The following NRXN1 variants were observed in gnomAD, a reference collection of about 807,000 sequenced individuals.
NRXN1 encodes neurexin-1.
NRXN1 carries 39 observed loss-of-function variants against 150.9 expected under a neutral mutation model. The observed-to-expected ratio is 0.26, with a 90% CI of 0.20 to 0.34. NRXN1 has a LOEUF of 0.34. Ranked by LOEUF, NRXN1 falls within the 10% of genes least tolerant of loss-of-function variation. The probability of loss-of-function intolerance (pLI) is 1.00; values close to 1 mark genes in which losing one functional copy is unlikely to be tolerated. For missense variants in NRXN1, 1,815 were observed against 1,949.9 expected (o/e 0.93, Z 1.30); for synonymous variants, 924 against 757.0 (o/e 1.22, Z -3.62).
chr2:50,358,579 A>T (rs2078980688), intron 17 of NRXN1, among the ~76,000 whole-genome samples: 1 of 152,234 alleles, frequency 6.6e-6, no homozygotes, highest in African/African-American at 2.4e-5. Flanking sequence ...CAGCAGCCCC[A>T]GTCAGGAACT....
intron 19 of NRXN1, among the ~76,000 whole-genome samples, chr2:50,062,249 G>A (rs1159886680): frequency 6.6e-6 from 1 of 151,970 alleles, no homozygotes; most frequent in Non-Finnish European, 1.5e-5. Context: ...AAGCCTTTGG[G>A]AGCTGATTAG....
At chr2:50,085,480 A>G (rs1326799266) in intron 19 of NRXN1, among the ~76,000 whole-genome samples, 2 of 152,142 alleles carry the variant, frequency 1.3e-5, no homozygotes, top group Admixed American at 6.5e-5. Flanking sequence ...AACATGGGCA[A>G]GTCTTCTTTT....
chr2:50,627,036 G>C (rs1188482182), intron 5 of NRXN1, among the ~76,000 whole-genome samples: 2 of 151,722 alleles, frequency 1.3e-5, no homozygotes, highest in African/African-American at 4.8e-5. Context: ...ACTACATTCA[G>C]ATACCATTTC....
chr2:50,726,425 C>A (rs1380449808), intron 5 of NRXN1, among the ~76,000 whole-genome samples: 1 of 152,150 alleles, frequency 6.6e-6, no homozygotes, highest in South Asian at 2.1e-4. Flanking sequence ...GCACACATAC[C>A]TTATCATAAG....
intron 17 of NRXN1, among the ~76,000 whole-genome samples, chr2:50,394,310 TC>T (rs1264378952): frequency 6.6e-6 from 1 of 152,074 alleles, no homozygotes; most frequent in Non-Finnish European, 1.5e-5. Flanking sequence ...ACTAGGTATA[TC>T]AAAACCAAAG....
At chr2:50,257,804 T>G (rs1178203422) in intron 17 of NRXN1, among the ~76,000 whole-genome samples, 1 of 151,826 alleles carries the variant, frequency 6.6e-6, no homozygotes, top group Non-Finnish European at 1.5e-5. Flanking sequence ...CAAAAACAAA[T>G]CTAGTAGCTA....
At chr2:50,107,539 A>ATATATTTT (rs59921941) in intron 18 of NRXN1, among the ~76,000 whole-genome samples, 61 of 129,876 alleles carry the variant, frequency 4.7e-4, no homozygotes, top group South Asian at 1.8e-3. Flanking sequence ...ATATATATAT[A>ATATATTTT]TTTTTTTTTT....
chr2:51,020,673 T>C (rs1440227875), intron 2 of NRXN1, among the ~76,000 whole-genome samples: 2 of 151,992 alleles, frequency 1.3e-5, no homozygotes, highest in African/African-American at 4.8e-5. Context: ...ATATTAGTAG[T>C]CTGATTAGGT....
chr2:50,259,160 T>C (rs1177553760), intron 17 of NRXN1, among the ~76,000 whole-genome samples: 1 of 151,972 alleles, frequency 6.6e-6, no homozygotes, highest in Non-Finnish European at 1.5e-5. Flanking sequence ...CTTTTCTCCT[T>C]TTCAGCTGTG....
intron 9 of NRXN1, among the ~76,000 whole-genome samples, chr2:50,551,074 A>AGGAG (rs1667430102): frequency 2.7e-5 from 3 of 110,688 alleles, no homozygotes; most frequent in Non-Finnish European, 5.5e-5. Flanking sequence ...AAGAAGAAGA[A>AGGAG]GAGGAGGAGG....
chr2:50,096,023 C>T (rs915392645), intron 18 of NRXN1, among the ~76,000 whole-genome samples: 2 of 147,834 alleles, frequency 1.4e-5, no homozygotes, highest in Admixed American at 7.0e-5. Flanking sequence ...TTAAATGACG[C>T]CCATCTCTTC....
chr2:50,138,932 G>C (rs1192223253), intron 18 of NRXN1, among the ~76,000 whole-genome samples: 2 of 152,240 alleles, frequency 1.3e-5, no homozygotes, highest in Non-Finnish European at 2.9e-5. Context: ...GTAGGCCAAA[G>C]ACGTCAGATG....
At chr2:50,553,131 AT>A in intron 8 of NRXN1, 106 bp from the exon 9 acceptor site, 1 of 794,058 alleles carries the variant, frequency 1.3e-6, no homozygotes, top group Non-Finnish European at 2.0e-6. Context: ...GGCACACGAT[AT>A]TTAGTTAATT....
chr2:50,495,031 C>CA (rs557134128), intron 15 of NRXN1, among the ~76,000 whole-genome samples: 5,141 of 80,198 alleles, frequency 0.064, 184 homozygotes, highest in African/African-American at 0.14. Context: ...ACTCTGTCTC[C>CA]AAAAAAAAAA....
rs760530144 is a variant in NRXN1, at chr2:50,334,209, A to ATATATATATATATATATATG, written c.3365-97240_3365-97239insCATATATATATATATATATA. ...CAGGACCAAATATATATATATATAT[A>ATATATATATATATATATATG]TATGTATGTAGATATTGTTTAACGG... On this transcript the variant is annotated intron_variant, in intron 17 of 22. Coordinates refer to ENST00000401669, the MANE Select transcript of NRXN1 (RefSeq NM_001330078.2). Among the ~76,000 whole-genome samples the ATATATATATATATATATATG allele has an allele frequency of 1.9e-3, 233 of 121,436 alleles. 10 individuals carry two copies. Among genetic ancestry groups the ATATATATATATATATATATG allele is most frequent in the African/African-American group, 6.6e-3 (152 of 22,866 alleles). 79.7% of individuals were successfully genotyped at this position (121,436 alleles called of 152,430 possible).
intron 8 of NRXN1, among the ~76,000 whole-genome samples, chr2:50,598,659 T>G: frequency 6.8e-6 from 1 of 147,648 alleles, no homozygotes; most frequent in Non-Finnish European, 1.5e-5. Flanking sequence ...TCTATATACA[T>G]ATATATTCAT....
intron 17 of NRXN1, among the ~76,000 whole-genome samples, chr2:50,265,986 ATTATTATTATTATTTAT>A (rs1419417314): frequency 1.2e-4 from 11 of 93,474 alleles, no homozygotes; most frequent in South Asian, 3.1e-4. Flanking sequence ...TATTATTATT[ATTATTATTATTATTTAT>A]TTTTTTTTTT....
At chr2:50,072,356 T>C (rs768863708) in intron 19 of NRXN1, among the ~76,000 whole-genome samples, 45 of 152,098 alleles carry the variant, frequency 3.0e-4, no homozygotes, top group Non-Finnish European at 5.9e-4. Context: ...AATGATTACA[T>C]GCGGTGACAT....
In NRXN1 at chr2:49,920,050, C is replaced by T. The variant is rs1311863248; in HGVS notation, c.*1894G>A. ...CAATTTTTCCTGAAACATCAACTTG[C>T]AATGTAATAATGCATTTTTTGCACT... On this transcript the variant is annotated 3_prime_UTR_variant, in exon 23 of 23. Coordinates refer to ENST00000401669, the MANE Select transcript of NRXN1 (RefSeq NM_001330078.2). 6.6e-6 allele frequency: 1 copy of T among 152,076 alleles called. No homozygotes were observed. The highest frequency in any genetic ancestry group is 1.5e-5 in the Non-Finnish European group (1 of 67,992). The allele number at this position is 152,076 out of a possible 1,614,324, so 9.4% of individuals were successfully genotyped here.
Sources: allele counts gnomAD v4.1 joint callset (sites outside exome capture counted in the v4.1 genomes callset), GRCh38; gene constraint gnomAD v4.1.1; transcripts MANE v1.5; gene names NCBI Gene and HGNC (gene_info 2026-07-23, HGNC 2026-07-21).